The following ANKRD26 variants were observed in gnomAD, a reference collection of about 807,000 sequenced individuals.
ANKRD26 encodes ankyrin repeat domain 26, also known as ankyrin repeat domain-containing protein 26.
Under a neutral mutation model 208.7 loss-of-function variants are expected in ANKRD26, and 141 were observed. The observed-to-expected ratio is 0.68, with a 90% CI of 0.59 to 0.78. ANKRD26 has a LOEUF of 0.78. Ranked by LOEUF, ANKRD26 falls within the 30% of genes least tolerant of loss-of-function variation. The probability of loss-of-function intolerance (pLI) is 0.00; values close to 1 mark genes in which losing one functional copy is unlikely to be tolerated. For synonymous variants in ANKRD26, 636 were observed against 660.4 expected, an observed-to-expected ratio of 0.96 and a Z score of 0.57; for missense variants, 1,889 against 1,938.7, an observed-to-expected ratio of 0.97 and a Z score of 0.48.
intron 5 of ANKRD26, among the ~76,000 whole-genome samples, chr10:26,994,370 T>C (rs1252428586): frequency 6.6e-6 from 1 of 152,136 alleles, no homozygotes; most frequent in East Asian, 1.9e-4. Flanking sequence ...AGGATATCAT[T>C]TTCTCTGGAT....
At position 27,037,147 on chromosome 10, in the gene ANKRD26, A is replaced by G. The variant is rs772023902; in HGVS notation, c.2697+39T>C. On this transcript the variant is annotated intron_variant, in intron 23 of 33. Transcript: ENST00000376087. ...AATATATACACATATAAATACATAT[A>G]CACACATATTTGAAAATGACTAAAG... 105 of 1,598,156 alleles carry G rather than the reference A, an allele frequency of 6.6e-5. 3 individuals are homozygous for G. In the South Asian group the frequency reaches 1.1e-3, roughly 17 times the overall value.
At chr10:27,048,649 T>G in intron 17 of ANKRD26, 152 bp downstream of exon 17, 1 of 667,856 alleles carries the variant, frequency 1.5e-6, no homozygotes, top group South Asian at 2.2e-5. Flanking sequence ...TATCTCATTG[T>G]TTGCTAATTT....
At position 27,100,100 on chromosome 10, in the gene ANKRD26, C is replaced by G. The variant is rs1351999946; in HGVS notation, c.227G>C (p.Arg76Thr). Residue 76 changes from arginine to threonine, a missense_variant, in exon 1 of 34, where the codon AGA becomes ACA. Arg to Thr is a moderately conservative substitution (Grantham distance 71). Coordinates refer to ENST00000376087, the MANE Select transcript of ANKRD26 (RefSeq NM_014915.3). ...CGCCTATTACCTGTTCATCTTGTCT[C>G]TATCGTTCAAGCCATTCTTCCTGAG... ...LLLRKNGLND[R>T]DKMNRTALHL... The G allele has an allele frequency of 3.1e-6, 5 of 1,614,076 alleles. No homozygotes were observed. Among genetic ancestry groups the G allele is most frequent in the Non-Finnish European group, 4.2e-6 (5 of 1,179,970 alleles).
At chr10:27,026,246 T>C (rs757674903) in intron 27 of ANKRD26, among the ~76,000 whole-genome samples, 43 of 152,352 alleles carry the variant, frequency 2.8e-4, no homozygotes, top group Non-Finnish European at 5.1e-4. Flanking sequence ...TTATATGCCA[T>C]ATTCCTAACT....
rs77524164 is a variant in ANKRD26, at chr10:27,020,546, G to A, written c.4215+2012C>T. Among the ~76,000 whole-genome samples the A allele has an allele frequency of 9.0e-3, 1,367 of 152,168 alleles. 9 individuals carry two copies. The highest frequency in any genetic ancestry group is 0.024 in the Middle Eastern group (7 of 294). On this transcript the variant is annotated intron_variant, in intron 29 of 33. Transcript: ENST00000376087. ...GGTTTTCTTTTTAGCACTTGCATACGAGTGAGAACCTTAGATATTTATCTT... is the reference window on the plus strand; with the variant it reads ...GGTTTTCTTTTTAGCACTTGCATACAAGTGAGAACCTTAGATATTTATCTT...
rs2053994433 is a variant in ANKRD26, at chr10:27,034,950, A to G, written c.3500T>C (p.Ile1167Thr). The change falls in exon 24 of 34, where the codon ATC becomes ACC. Residue 1167 changes from isoleucine to threonine, a missense_variant. This residue lies in a region of ANKRD26 where 613 missense variants were observed against 648.2 expected (regional missense o/e 0.95). Coordinates refer to ENST00000376087, the MANE Select transcript of ANKRD26 (RefSeq NM_014915.3). ...CACAATAGCATGAAACTGGTCTTGG[A>G]TATTAATCACTGTCTTCTCTTTATT... ...ADNKEKTVIN[I>T]QDQFHAIVQK... 2 of 1,614,026 alleles carry G rather than the reference A, an allele frequency of 1.2e-6. No homozygotes were observed. The highest frequency in any genetic ancestry group is 1.3e-5 in the African/African-American group (1 of 75,018).
intron 4 of ANKRD26, among the ~76,000 whole-genome samples, chr10:27,089,282 C>T (rs1020035872): frequency 6.6e-6 from 1 of 152,164 alleles, no homozygotes; most frequent in Admixed American, 6.5e-5. Context: ...CCCTTCGGTT[C>T]CTGAAAAATT....
chr10:26,993,446 C>A (rs1589176082), intron 5 of ANKRD26, among the ~76,000 whole-genome samples: 1 of 152,268 alleles, frequency 6.6e-6, no homozygotes. Flanking sequence ...TCTTTCTTTG[C>A]AGAATAAAGG....
downstream of ANKRD26, among the ~76,000 whole-genome samples, chr10:26,990,064 G>A (rs1353438765): frequency 6.6e-6 from 1 of 152,170 alleles, no homozygotes; most frequent in Non-Finnish European, 1.5e-5. Flanking sequence ...AGGTACCATT[G>A]AAAGTAGCTC....
intron 32 of ANKRD26, among the ~76,000 whole-genome samples, chr10:27,010,767 C>T (rs982894978): frequency 2.0e-5 from 3 of 152,092 alleles, no homozygotes; most frequent in Non-Finnish European, 4.4e-5. Context: ...TTCGGCCTCC[C>T]AAAGTGTTGG....
intron 9 of ANKRD26, among the ~76,000 whole-genome samples, chr10:27,069,713 ACACTAAAC>A (rs1463228041): frequency 5.9e-5 from 9 of 152,244 alleles, no homozygotes. Flanking sequence ...TTTGTAAAAT[ACACTAAAC>A]TGGTAGAATT....
intron 5 of ANKRD26, among the ~76,000 whole-genome samples, chr10:26,993,841 C>T (rs764343445): frequency 6.6e-6 from 1 of 152,160 alleles, no homozygotes; most frequent in African/African-American, 2.4e-5. Context: ...ATCCAGGAGG[C>T]ATCTTTTTAT....
At chr10:26,972,060 C>A (rs560055119), downstream of ANKRD26, among the ~76,000 whole-genome samples, 7 of 151,858 alleles carry the variant, frequency 4.6e-5, no homozygotes, top group African/African-American at 1.7e-4. Flanking sequence ...ACGGTGAAAC[C>A]CCGTCTCTAC....
At chr10:27,015,817 C>T (rs1403191766) in intron 30 of ANKRD26, among the ~76,000 whole-genome samples, 1 of 152,176 alleles carries the variant, frequency 6.6e-6, no homozygotes, top group Admixed American at 6.5e-5. Context: ...CCACGCAGTT[C>T]TCAATCGCTC....
intron 3 of ANKRD26, 66 bp from the exon 4 acceptor site, chr10:27,092,578 C>T: frequency 2.5e-6 from 3 of 1,185,344 alleles, no homozygotes; most frequent in Non-Finnish European, 3.7e-6. Flanking sequence ...ACTGAAAACT[C>T]TATGTCAGAT....
downstream of ANKRD26, among the ~76,000 whole-genome samples, chr10:26,991,165 G>A (rs2052479150): frequency 6.6e-6 from 1 of 152,120 alleles, no homozygotes; most frequent in Non-Finnish European, 1.5e-5. Flanking sequence ...TCAGCAAATC[G>A]TCCCATCGTT....
intron 29 of ANKRD26, among the ~76,000 whole-genome samples, chr10:27,018,174 G>A (rs1446306889): frequency 3.9e-5 from 5 of 129,618 alleles, no homozygotes; most frequent in South Asian, 5.0e-4. Context: ...TTGCTCTGTC[G>A]CCCAGGCTGG....
rs372864329 is a variant in ANKRD26, at chr10:27,014,134, C to CA, written c.4724+359dup. Among the ~76,000 whole-genome samples, 260 of 151,834 alleles carry CA rather than the reference C, an allele frequency of 1.7e-3. 1 individual carries two copies. Among genetic ancestry groups the CA allele is most frequent in the African/African-American group, 5.9e-3 (246 of 41,424 alleles). On this transcript the variant is annotated intron_variant, in intron 31 of 33. Coordinates refer to ENST00000376087, the MANE Select transcript of ANKRD26 (RefSeq NM_014915.3). ...CCTTCTGGTTTAAGTTGTAATTTTC[C>CA]AAAAAACAGCCCAACTCATTAATAA...
chr10:26,960,640 T>A, the ANKRD26 span, among the ~76,000 whole-genome samples: 7 of 152,254 alleles, frequency 4.6e-5, no homozygotes, highest in Non-Finnish European at 7.3e-5. Flanking sequence ...GTAACTGAAA[T>A]ATGCTAATTT....
Sources: allele counts gnomAD v4.1 joint callset (sites outside exome capture counted in the v4.1 genomes callset), GRCh38; gene constraint gnomAD v4.1.1; regional missense constraint gnomAD v4.1.1; transcripts MANE v1.5; gene names NCBI Gene and HGNC (gene_info 2026-07-23, HGNC 2026-07-21).